PDE1C: variants seen among roughly 807,000 people sequenced by gnomAD.
PDE1C encodes phosphodiesterase 1C.
PDE1C carries 62 observed loss-of-function variants against 93.1 expected under a neutral mutation model. That is an observed-to-expected ratio of 0.67 (90% CI 0.54 to 0.82). The LOEUF (loss-of-function observed/expected upper bound fraction) is 0.82. Among genes scored for constraint, PDE1C ranks in the 40% least tolerant of loss-of-function variants. The pLI is 0.00. For synonymous variants in PDE1C, 325 were observed against 310.1 expected, an observed-to-expected ratio of 1.05 and a Z score of -0.50; for missense variants, 742 against 884.6, an observed-to-expected ratio of 0.84 and a Z score of 2.04.
intron 12 of PDE1C, 101 bp from the exon 13 acceptor site, chr7:31,825,088 A>G: frequency 1.4e-6 from 2 of 1,469,366 alleles, no homozygotes; most frequent in Non-Finnish European, 1.9e-6. Flanking sequence ...TCAGATTAAA[A>G]GAGAATGGCT....
At chr7:31,828,829 C>G (rs1329322029) in intron 11 of PDE1C, among the ~76,000 whole-genome samples, 1 of 152,146 alleles carries the variant, frequency 6.6e-6, no homozygotes, top group Non-Finnish European at 1.5e-5. Context: ...CTAGTGCTAC[C>G]TAAAGCCACA....
At chr7:31,954,800 A>G (rs1258104474) in intron 2 of PDE1C, among the ~76,000 whole-genome samples, 4 of 152,184 alleles carry the variant, frequency 2.6e-5, no homozygotes, top group Non-Finnish European at 5.9e-5. Flanking sequence ...TATTAAAAGT[A>G]ATGACAAAAA....
chr7:32,170,477 T>C (rs1802574555), intron 2 of PDE1C, among the ~76,000 whole-genome samples: 1 of 152,000 alleles, frequency 6.6e-6, no homozygotes, highest in Non-Finnish European at 1.5e-5. Flanking sequence ...AGATAAATAT[T>C]AAAGGTGGGC....
chr7:31,744,569 T>C, the PDE1C span, among the ~76,000 whole-genome samples: 1 of 152,142 alleles, frequency 6.6e-6, no homozygotes, highest in Non-Finnish European at 1.5e-5. Flanking sequence ...ATTTTTTGCG[T>C]GCCTATGGAA....
At chr7:32,368,582 A>G (rs1457135187) in intron 1 of PDE1C, among the ~76,000 whole-genome samples, 1 of 152,228 alleles carries the variant, frequency 6.6e-6, no homozygotes, top group Admixed American at 6.5e-5. Context: ...TAGTACTCAA[A>G]GCAATCTACA....
chr7:31,642,133 G>A, the PDE1C span: 49 of 1,431,544 alleles, frequency 3.4e-5, no homozygotes, highest in East Asian at 6.5e-4. Context: ...TGCTGGCTGC[G>A]TGTTTTCCCT....
the PDE1C span, chr7:31,692,508 C>T: frequency 1.6e-5 from 26 of 1,605,842 alleles, no homozygotes; most frequent in East Asian, 4.5e-5. Context: ...GCTAGACCCT[C>T]GTTGCAGCCA....
At chr7:31,821,255 A>G (rs1369263703) in intron 14 of PDE1C, among the ~76,000 whole-genome samples, 1 of 152,188 alleles carries the variant, frequency 6.6e-6, no homozygotes, top group Non-Finnish European at 1.5e-5. Context: ...AAATAGTTCA[A>G]ACACACAGTT....
downstream of PDE1C, among the ~76,000 whole-genome samples, chr7:31,746,828 G>GA (rs1222243049): frequency 6.6e-6 from 1 of 151,994 alleles, no homozygotes; most frequent in East Asian, 1.9e-4. Flanking sequence ...AGAGGACAGG[G>GA]AAAAAAAGCC....
the PDE1C span, among the ~76,000 whole-genome samples, chr7:31,738,372 C>T: frequency 6.6e-6 from 1 of 152,208 alleles, no homozygotes; most frequent in Non-Finnish European, 1.5e-5. Flanking sequence ...CACATCTTCA[C>T]GGTGGCAGGC....
chr7:31,987,525 G>A (rs1241024634), intron 2 of PDE1C, among the ~76,000 whole-genome samples: 3 of 152,270 alleles, frequency 2.0e-5, no homozygotes, highest in East Asian at 3.9e-4. Flanking sequence ...GTAAGAAAAA[G>A]TCTCCAGCTG....
intron 1 of PDE1C, among the ~76,000 whole-genome samples, chr7:32,390,789 A>G (rs1309641865): frequency 6.6e-6 from 1 of 152,000 alleles, no homozygotes; most frequent in Non-Finnish European, 1.5e-5. Context: ...GGAGGTCGAG[A>G]CTGTAGTGAA....
intron 3 of PDE1C, chr7:32,078,060 T>A (rs1245155350): frequency 2.0e-6 from 2 of 983,774 alleles, no homozygotes; most frequent in Non-Finnish European, 2.4e-6. Flanking sequence ...CTAATGAAAT[T>A]GAAATTTTTG....
At chr7:32,114,874 C>G (rs767134611) in intron 3 of PDE1C, among the ~76,000 whole-genome samples, 1 of 152,156 alleles carries the variant, frequency 6.6e-6, no homozygotes, top group Non-Finnish European at 1.5e-5. Context: ...AGCTCAACAT[C>G]ACTGATCATT....
intron 1 of PDE1C, chr7:32,298,575 TAGA>T (rs947184382): frequency 1.3e-5 from 19 of 1,507,212 alleles, no homozygotes; most frequent in Non-Finnish European, 9.0e-7. Flanking sequence ...CCTGCCCGCT[TAGA>T]AAGGAACTCT....
At chr7:32,366,983 C>T (rs534080704) in intron 1 of PDE1C, among the ~76,000 whole-genome samples, 507 of 151,798 alleles carry the variant, frequency 3.3e-3, no homozygotes, top group Admixed American at 5.0e-3. Flanking sequence ...GAGCTGAGAT[C>T]GCACCATTGC....
chr7:31,656,299 G>A, the PDE1C span: 1 of 181,576 alleles, frequency 5.5e-6, no homozygotes, highest in African/African-American at 2.4e-5. Flanking sequence ...TTTATCATGT[G>A]TGACCTCGGG....
intron 1 of PDE1C, among the ~76,000 whole-genome samples, chr7:32,313,451 C>T (rs962416700): frequency 6.6e-6 from 1 of 151,906 alleles, no homozygotes; most frequent in African/African-American, 2.4e-5. Flanking sequence ...GACACATGCA[C>T]ACGTATGTTT....
chr7:31,847,441 T>C (rs1792779503), intron 9 of PDE1C, among the ~76,000 whole-genome samples: 1 of 152,042 alleles, frequency 6.6e-6, no homozygotes, highest in Non-Finnish European at 1.5e-5. Context: ...GTCAAAAGAT[T>C]GATAAGAAGT....
Sources: allele counts gnomAD v4.1 joint callset (sites outside exome capture counted in the v4.1 genomes callset), GRCh38; gene constraint gnomAD v4.1.1; transcripts MANE v1.5; gene names NCBI Gene and HGNC (gene_info 2026-07-23, HGNC 2026-07-21).